The following ZNF638 variants were observed in gnomAD, a reference collection of about 807,000 sequenced individuals.
ZNF638 encodes CTCL tumor antigen se33-1.
Under a neutral mutation model 195.6 loss-of-function variants are expected in ZNF638, and 46 were observed. The ratio of observed to expected loss-of-function variants is 0.24; its 90% CI spans 0.19 to 0.30. The LOEUF is 0.30. ZNF638 is among the 10% of genes least tolerant of loss of function. The pLI is 1.00. For synonymous variants in ZNF638, 845 were observed against 772.0 expected (o/e 1.09, Z -1.57); for missense variants, 2,440 against 2,325.3 (o/e 1.05, Z -1.01).
intron 10 of ZNF638, among the ~76,000 whole-genome samples, chr2:71,392,104 C>T (rs2079793498): frequency 6.6e-6 from 1 of 152,202 alleles, no homozygotes; most frequent in Admixed American, 6.5e-5. Context: ...CCCTGAATGT[C>T]ATAAGAATTT....
At chr2:71,353,345 A>G (rs1573035811) in intron 2 of ZNF638, among the ~76,000 whole-genome samples, 1 of 152,216 alleles carries the variant, frequency 6.6e-6, no homozygotes, top group East Asian at 1.9e-4. Flanking sequence ...GAAAGTACCG[A>G]CAATAAAAAA....
At position 71,406,282 on chromosome 2, in the gene ZNF638, T is replaced by G. The variant is rs774264829; in HGVS notation, c.3135+20T>G. 4.5e-5 allele frequency: 72 copies of G among 1,603,996 alleles called. No homozygotes were observed. In the South Asian group the frequency reaches 5.3e-4, roughly 12 times the overall value. Reference sequence around the variant, plus strand: ...AACAAGGTAACAAGTTCCCTCATAATTTAGCTATTCATTCTGTAAAGAATG... The same window carrying G: ...AACAAGGTAACAAGTTCCCTCATAAGTTAGCTATTCATTCTGTAAAGAATG... On this transcript the variant is annotated intron_variant, in intron 19 of 27. Transcript: ENST00000264447.
At chr2:71,408,412 G>C in intron 20 of ZNF638, 165 bp downstream of exon 20, 1 of 880,626 alleles carries the variant, frequency 1.1e-6, no homozygotes. Flanking sequence ...GTATAAATTT[G>C]TCTAAATGAG....
chr2:71,386,391 CAT>C (rs1573094237), intron 10 of ZNF638, among the ~76,000 whole-genome samples: 1 of 150,788 alleles, frequency 6.6e-6, no homozygotes. Context: ...TACAAGTACA[CAT>C]ATGTTAAAAG....
intron 16 of ZNF638, 32 bp downstream of exon 16, chr2:71,402,119 C>T: frequency 6.4e-7 from 1 of 1,557,992 alleles, no homozygotes; most frequent in Non-Finnish European, 8.7e-7. Context: ...TTCATATCCT[C>T]TGCAAGCATG....
intron 1 of ZNF638, among the ~76,000 whole-genome samples, chr2:71,343,221 A>G (rs1452620600): frequency 1.3e-5 from 2 of 152,158 alleles, no homozygotes; most frequent in African/African-American, 2.4e-5. Context: ...CACTTTGGCT[A>G]TAGGAACGCA....
Position 71,395,471 on chromosome 2 carries a change from A to G in ZNF638, c.2378-670A>G. 4.9e-6 allele frequency: 3 copies of G among 609,868 alleles called. No homozygotes were observed. The South Asian group carries it at 6.1e-5, about 12-fold the overall frequency. 37.8% of individuals were successfully genotyped at this position (609,868 alleles called of 1,614,324 possible). On this transcript the variant is annotated intron_variant, in intron 10 of 27. Coordinates refer to ENST00000264447, the MANE Select transcript of ZNF638 (RefSeq NM_014497.5). ...GAGAATAAAGGCTGAAGGCAGCTAA[A>G]TTCTCTTACCCTGACGCTAAGGGCA...
chr2:71,410,316 G>C (rs1215190822), intron 20 of ZNF638, among the ~76,000 whole-genome samples: 1 of 152,090 alleles, frequency 6.6e-6, no homozygotes, highest in Non-Finnish European at 1.5e-5. Flanking sequence ...CTCCAGAGTA[G>C]ACTATAGGGG....
intron 8 of ZNF638, among the ~76,000 whole-genome samples, chr2:71,374,315 T>G (rs1486867610): frequency 6.6e-6 from 1 of 152,238 alleles, no homozygotes; most frequent in Non-Finnish European, 1.5e-5. Context: ...CTTTTATGTG[T>G]ATAAATTCTG....
chr2:71,399,182 A>C (rs981261004), intron 12 of ZNF638, among the ~76,000 whole-genome samples: 11 of 152,148 alleles, frequency 7.2e-5, no homozygotes, highest in African/African-American at 2.7e-4. Flanking sequence ...GAAATGGAAC[A>C]CTATTTAAAA....
intron 10 of ZNF638, chr2:71,395,372 A>G: frequency 1.4e-6 from 1 of 702,896 alleles, no homozygotes; most frequent in Middle Eastern, 2.3e-4. Flanking sequence ...GAGATCAGTC[A>G]GGGTGGTGGG....
intron 1 of ZNF638, among the ~76,000 whole-genome samples, chr2:71,340,186 A>G (rs1469061621): frequency 6.6e-6 from 1 of 152,120 alleles, no homozygotes; most frequent in Admixed American, 6.5e-5. Context: ...CATGATGCCA[A>G]ATAACGTTTC....
intron 11 of ZNF638, among the ~76,000 whole-genome samples, chr2:71,397,414 T>C (rs2079915593): frequency 6.6e-6 from 1 of 152,218 alleles, no homozygotes; most frequent in African/African-American, 2.4e-5. Flanking sequence ...ATTGCTCTTT[T>C]TGAGCAAAGA....
At chr2:71,383,522 C>A (rs2079570541) in intron 10 of ZNF638, among the ~76,000 whole-genome samples, 1 of 146,228 alleles carries the variant, frequency 6.8e-6, no homozygotes, top group Non-Finnish European at 1.5e-5. Context: ...TCCTAATAAT[C>A]TTTTCCTCTT....
intron 21 of ZNF638, among the ~76,000 whole-genome samples, chr2:71,421,103 G>A (rs959208571): frequency 6.6e-6 from 1 of 152,140 alleles, no homozygotes; most frequent in Admixed American, 6.5e-5. Context: ...TTAGCCCTAA[G>A]TTTCTAAAGT....
At chr2:71,433,948 A>G (rs1406449504) in intron 27 of ZNF638, among the ~76,000 whole-genome samples, 1 of 152,206 alleles carries the variant, frequency 6.6e-6, no homozygotes, top group Admixed American at 6.5e-5. Flanking sequence ...CCAAGGTCAC[A>G]TAGCTAGTTA....
At chr2:71,341,067 A>C (rs2078754919) in intron 1 of ZNF638, among the ~76,000 whole-genome samples, 1 of 152,206 alleles carries the variant, frequency 6.6e-6, no homozygotes, top group Non-Finnish European at 1.5e-5. Flanking sequence ...CTTCCTTCTG[A>C]AAGACTGCAT....
At chr2:71,334,933 CA>C (rs1015139310) in intron 1 of ZNF638, among the ~76,000 whole-genome samples, 4 of 148,930 alleles carry the variant, frequency 2.7e-5, no homozygotes, top group Admixed American at 6.7e-5. Flanking sequence ...AAAAAAAAAA[CA>C]AAAAAAACTC....
chr2:71,398,407 G>A (rs1039697491), intron 11 of ZNF638, among the ~76,000 whole-genome samples: 1 of 152,054 alleles, frequency 6.6e-6, no homozygotes, highest in Non-Finnish European at 1.5e-5. Context: ...CATGTCAGCA[G>A]CACTCGGGGT....
Sources: allele counts gnomAD v4.1 joint callset (sites outside exome capture counted in the v4.1 genomes callset), GRCh38; gene constraint gnomAD v4.1.1; transcripts MANE v1.5; gene names NCBI Gene and HGNC (gene_info 2026-07-23, HGNC 2026-07-21).